The following RUVBL2 variants were observed in gnomAD, a reference collection of about 807,000 sequenced individuals.
The protein encoded by RUVBL2 is RuvB like AAA ATPase 2.
In RUVBL2, 9 loss-of-function variants were observed where a neutral mutation model predicts 57.9. That is an observed-to-expected ratio of 0.16 (90% CI 0.09 to 0.27). RUVBL2 has a LOEUF of 0.27. Among genes scored for constraint, RUVBL2 ranks in the 10% least tolerant of loss-of-function variants. The probability of loss-of-function intolerance (pLI) is 1.00; values close to 1 mark genes in which losing one functional copy is unlikely to be tolerated. For missense variants in RUVBL2, 456 were observed against 669.6 expected, an observed-to-expected ratio of 0.68 and a Z score of 3.52; for synonymous variants, 278 against 264.6, an observed-to-expected ratio of 1.05 and a Z score of -0.49.
Position 49,003,349 on chromosome 19 carries a change from G to A in RUVBL2, c.123+15G>A, listed in dbSNP as rs1308248450. 1.9e-6 allele frequency: 3 copies of A among 1,613,514 alleles called. No homozygotes were observed. Among genetic ancestry groups the A allele is most frequent in the South Asian group, 2.2e-5 (2 of 91,068 alleles). Reference sequence around the variant, plus strand: ...AGCCTCGGCAGGTAGAGCAGAGGAGGCTGGGGTGTGAGGGCCTCTCCATGA... The same window carrying A: ...AGCCTCGGCAGGTAGAGCAGAGGAGACTGGGGTGTGAGGGCCTCTCCATGA... On this transcript the variant is annotated intron_variant, in intron 3 of 14. Transcript: ENST00000595090.
intron 1 of RUVBL2, among the ~76,000 whole-genome samples, chr19:48,996,502 C>CTGTGTG (rs72341497): frequency 0.063 from 8,670 of 138,140 alleles, 352 homozygotes; most frequent in African/African-American, 0.1. Context: ...ATTTTTGTAT[C>CTGTGTG]TGTGTGTGTG....
rs1395395463 is a variant in RUVBL2, at chr19:49,015,630, C to G, written c.1310C>G (p.Ser437Cys). The G allele has an allele frequency of 6.2e-7, 1 of 1,614,112 alleles. No individual in the cohort carries two copies. Among genetic ancestry groups the G allele is most frequent in the Non-Finnish European group, 8.5e-7 (1 of 1,180,018 alleles). ...KRVYSLFLDESRSTQYMKEYQ... is the reference protein window; with the variant it reads ...KRVYSLFLDECRSTQYMKEYQ... Reference sequence around the variant, plus strand: ...GTCTACTCACTCTTCCTGGACGAGTCCCGCTCCACGCAGTACATGAAGGAG... The same window carrying G: ...GTCTACTCACTCTTCCTGGACGAGTGCCGCTCCACGCAGTACATGAAGGAG... The change falls in exon 14 of 15, where the codon TCC becomes TGC. Residue 437 changes from serine (S) to cysteine (C), a missense_variant. Transcript: ENST00000595090.
At chr19:49,015,782 C>G in intron 14 of RUVBL2, 35 bp from the exon 15 acceptor site, 6 of 1,613,858 alleles carry the variant, frequency 3.7e-6, no homozygotes, top group Non-Finnish European at 5.1e-6. Context: ...GCCACCTGGG[C>G]GACACTGACC....
chr19:49,015,319 T>C, intron 13 of RUVBL2, 169 bp downstream of exon 13: 1 of 832,922 alleles, frequency 1.2e-6, no homozygotes. Context: ...ATAGTAGGTA[T>C]CAGTAAATCT....
At chr19:48,996,564 T>C (rs898398287) in intron 1 of RUVBL2, among the ~76,000 whole-genome samples, 1 of 148,534 alleles carries the variant, frequency 6.7e-6, no homozygotes, top group African/African-American at 2.5e-5. Flanking sequence ...CTTGCTCTGA[T>C]GCCCAGGCTG....
chr19:49,015,910 A>G lies in RUVBL2; in HGVS notation c.*68A>G, dbSNP rs764859975. 3.9e-5 allele frequency: 63 copies of G among 1,613,992 alleles called. No individual in the cohort carries two copies. The highest frequency in any genetic ancestry group is 5.1e-5 in the Non-Finnish European group (60 of 1,179,958). On this transcript the variant is annotated 3_prime_UTR_variant, in exon 15 of 15. Transcript: ENST00000595090. ...TTCTGACACTGTGACTCTGTATAAA[A>G]TGGTTGGGAAGCTGCACCCACCCTG...
Position 49,015,868 on chromosome 19 carries a change from C to T in RUVBL2, c.*26C>T. Reference sequence around the variant, plus strand: ...GTTGGATGTCATCCCCCGACCCCACCCTGTTTTCCACCAGAGTTCTGACAC... The same window carrying T: ...GTTGGATGTCATCCCCCGACCCCACTCTGTTTTCCACCAGAGTTCTGACAC... On this transcript the variant is annotated 3_prime_UTR_variant, in exon 15 of 15. Coordinates refer to ENST00000595090, the MANE Select transcript of RUVBL2 (RefSeq NM_006666.3). The T allele has an allele frequency of 6.2e-7, 1 of 1,614,168 alleles. No homozygotes were observed. Among genetic ancestry groups the T allele is most frequent in the South Asian group, 1.1e-5 (1 of 91,078 alleles).
At chr19:49,014,683 A>T in intron 12 of RUVBL2, 80 bp downstream of exon 12, 7 of 1,557,764 alleles carry the variant, frequency 4.5e-6, no homozygotes, top group Non-Finnish European at 5.2e-6. Context: ...ACTGAGGTCC[A>T]GCGGAGTGGC....
In RUVBL2 at chr19:49,003,338, G is replaced by A. The variant is rs775397128; in HGVS notation, c.123+4G>A. The A allele has an allele frequency of 6.2e-6, 10 of 1,613,838 alleles. No homozygotes were observed. The highest frequency in any genetic ancestry group is 8.5e-6 in the Non-Finnish European group (10 of 1,179,940). On this transcript the variant is annotated splice_donor_region_variant and intron_variant, in intron 3 of 14. Transcript: ENST00000595090. ...CGATGCCTTGGAGCCTCGGCAGGTA[G>A]AGCAGAGGAGGCTGGGGTGTGAGGG...
chr19:49,011,371 G>C lies in RUVBL2; in HGVS notation c.1001+61G>C. 1 of 1,329,564 alleles carries C rather than the reference G, an allele frequency of 7.5e-7. No homozygotes were observed. Among genetic ancestry groups the C allele is most frequent in the Non-Finnish European group, 1.1e-6 (1 of 926,694 alleles). 82.4% of individuals were successfully genotyped at this position (1,329,564 alleles called of 1,614,324 possible). ...ATGCTCTGGGCAGTGGGTGTGGTCA[G>C]AGGGTCAATGGGAGCCTGTGTTGAC... On this transcript the variant is annotated intron_variant, in intron 11 of 14. Transcript: ENST00000595090. The surrounding 1 kb of genome is among the most constrained non-coding windows in gnomAD (Gnocchi z 4.4).
intron 6 of RUVBL2, among the ~76,000 whole-genome samples, chr19:49,009,199 G>A: frequency 2.0e-5 from 2 of 102,056 alleles, no homozygotes; most frequent in Non-Finnish European, 3.8e-5. Flanking sequence ...AAAAAAAAGA[G>A]CTTTATTCAC....
chr19:49,010,360 G>A, intron 8 of RUVBL2, 128 bp from the exon 9 acceptor site: 1 of 945,622 alleles, frequency 1.1e-6, no homozygotes, highest in Non-Finnish European at 1.6e-6. Context: ...GTTTCCAGAT[G>A]ACCCCATTTA....
At chr19:49,004,101 G>A (rs2039236031) in intron 3 of RUVBL2, 176 bp from the exon 4 acceptor site, 1 of 807,656 alleles carries the variant, frequency 1.2e-6, no homozygotes, top group Non-Finnish European at 1.8e-6. Context: ...GGGTGACAGA[G>A]CGAGATCTTG....
intron 2 of RUVBL2, 113 bp from the exon 3 acceptor site, chr19:49,003,166 C>T (rs889116682): frequency 2.1e-5 from 11 of 530,732 alleles, no homozygotes; most frequent in East Asian, 1.1e-4. Context: ...AACCCCTGCT[C>T]CCTACTCCCA....
chr19:49,008,937 C>G (rs1400239066), intron 6 of RUVBL2, among the ~76,000 whole-genome samples: 1 of 151,926 alleles, frequency 6.6e-6, no homozygotes, highest in Non-Finnish European at 1.5e-5. Context: ...CGAGATCACA[C>G]CATTGCACTC....
chr19:49,012,377 C>G (rs2039446335), intron 11 of RUVBL2, among the ~76,000 whole-genome samples: 1 of 152,126 alleles, frequency 6.6e-6, no homozygotes, highest in Admixed American at 6.6e-5. Context: ...AGTGACTTGC[C>G]CAGGTCACAA....
chr19:49,009,794 C>G lies in RUVBL2; in HGVS notation c.481C>G (p.Leu161Val). The change falls in exon 7 of 15, where the codon CTG becomes GTG. Residue 161 changes from leucine to valine, a missense_variant. By Grantham distance (32) the Leu-to-Val change is conservative. Transcript: ENST00000595090. ...CTCTCAGGGCTCCAAGGTGGGCAAA[C>G]TGACCCTCAAGACCACAGAGATGGA... Reference protein sequence around the residue: ...ATGTGSKVGKLTLKTTEMETI... With the variant: ...ATGTGSKVGKVTLKTTEMETI... 1.2e-6 allele frequency: 2 copies of G among 1,614,042 alleles called. No individual in the cohort carries two copies. The highest frequency in any genetic ancestry group is 3.3e-5 in the Admixed American group (2 of 60,014).
At chr19:48,999,783 A>G (rs920268627) in intron 2 of RUVBL2, among the ~76,000 whole-genome samples, 9 of 152,170 alleles carry the variant, frequency 5.9e-5, no homozygotes, top group African/African-American at 2.2e-4. Flanking sequence ...AGAGATAACC[A>G]TTGAATGCAC....
chr19:48,999,960 T>C (rs549722798), intron 2 of RUVBL2, among the ~76,000 whole-genome samples: 1 of 152,182 alleles, frequency 6.6e-6, no homozygotes, highest in South Asian at 2.1e-4. Context: ...CAAAGAGCTT[T>C]ACCGGCAGGG....
Sources: gnomAD v4.1 joint callset for allele counts (sites outside exome capture counted in the v4.1 genomes callset) on GRCh38, gnomAD v4.1.1 for gene constraint, Gnocchi (gnomAD v3.1) non-coding constraint, MANE v1.5 for transcripts, NCBI Gene and HGNC (gene_info 2026-07-23, HGNC 2026-07-21) for gene names.